Variants in IL18RAP observed in about 807,000 individuals in gnomAD.
The protein encoded by IL18RAP is interleukin-18 receptor accessory protein.
IL18RAP carries 37 observed loss-of-function variants against 58.1 expected under a neutral mutation model. The observed-to-expected ratio is 0.64, with a 90% CI of 0.49 to 0.84. The LOEUF (loss-of-function observed/expected upper bound fraction) is 0.84, where lower values mean the gene tolerates loss of function less well. IL18RAP is among the 40% of genes least tolerant of loss of function. The pLI, the probability that IL18RAP is intolerant of heterozygous loss-of-function variation, is 0.00. For synonymous variants in IL18RAP, 268 were observed against 257.5 expected (o/e 1.04, Z -0.39); for missense variants, 667 against 704.8 (o/e 0.95, Z 0.61).
rs572589834 is a variant in IL18RAP at position 102,452,284 on chromosome 2, AAG to A, written c.*106_*107del. 17 of 1,149,044 alleles carry A rather than the reference AAG, an allele frequency of 1.5e-5. No individual in the cohort carries two copies. The highest frequency in any genetic ancestry group is 2.0e-5 in the Non-Finnish European group (16 of 810,534). The allele number at this position is 1,149,044 out of a possible 1,614,324, so 71.2% of individuals were successfully genotyped here. ...TGTGTTCAGGCTGATAGGAAATTCA[AAG>A]AGTCTCCTGCCAGCACCAAGCAAGC... On this transcript the variant is annotated 3_prime_UTR_variant, in exon 10 of 10. Transcript: ENST00000687160.
chr2:102,423,225 A>C lies in IL18RAP; in HGVS notation c.-53A>C, dbSNP rs757741811. 51 of 1,531,138 alleles carry C rather than the reference A, an allele frequency of 3.3e-5. No homozygotes were observed. Among genetic ancestry groups the C allele is most frequent in the Non-Finnish European group, 4.2e-5 (46 of 1,104,796 alleles). The allele number at this position is 1,531,138 out of a possible 1,614,324, so 94.8% of individuals were successfully genotyped here. Reference sequence around the variant, plus strand: ...AGAGTTCTGAATCTCAAAACACTCTACTCTGGCAAAGGAATGAAGTTATTG... The same window carrying C: ...AGAGTTCTGAATCTCAAAACACTCTCCTCTGGCAAAGGAATGAAGTTATTG... On this transcript the variant is annotated 5_prime_UTR_variant, in exon 1 of 10. Transcript: ENST00000687160.
Position 102,424,422 on chromosome 2 carries a change from T to A in IL18RAP, c.579+8T>A, listed in dbSNP as rs1470604635. ...GCGGTAACCTGGTACAAGGTAAGAG[T>A]GAATTCTCTAAAATTAATATAAGAG... is the stretch of plus-strand genomic sequence containing the variant. On this transcript the variant is annotated splice_region_variant and intron_variant, in intron 3 of 9. Transcript: ENST00000687160. The A allele has an allele frequency of 6.2e-7, 1 of 1,607,278 alleles. No homozygotes were observed. Among genetic ancestry groups the A allele is most frequent in the Admixed American group, 1.7e-5 (1 of 58,798 alleles).
Position 102,423,354 on chromosome 2 carries a change from GT to G in IL18RAP, c.70+11del, listed in dbSNP as rs1558632952. On this transcript the variant is annotated splice_region_variant and intron_variant, in intron 1 of 9. Transcript: ENST00000687160. ...AAAGGATTTAATATTTCAGGTAGGG[GT>G]TTTCACTTTTCATGTTAGCACTGTG... is the stretch of plus-strand genomic sequence containing the variant. 4 of 1,612,654 alleles carry G rather than the reference GT, an allele frequency of 2.5e-6. No homozygotes were observed. The East Asian group carries it at 6.7e-5, about 27-fold the overall frequency.
At chr2:102,438,713 A>T (rs1463935730) in intron 4 of IL18RAP, 1 of 152,180 alleles carries the variant, frequency 6.6e-6, no homozygotes, top group Non-Finnish European at 1.5e-5. Flanking sequence ...TTAATCATTC[A>T]TTCTCATATT....
upstream of IL18RAP, among the ~76,000 whole-genome samples, chr2:102,422,374 G>T (rs778282941): frequency 6.6e-5 from 10 of 152,142 alleles, no homozygotes; most frequent in African/African-American, 1.7e-4. Context: ...AAAGGTTGAG[G>T]TTCCTCAGGG....
intron 6 of IL18RAP, among the ~76,000 whole-genome samples, chr2:102,443,809 C>T (rs1399070654): frequency 3.3e-5 from 5 of 152,192 alleles, no homozygotes; most frequent in African/African-American, 9.7e-5. Flanking sequence ...GAAAAAGAGG[C>T]TCAGAGGAGG....
At chr2:102,422,127 T>A (rs3755267), upstream of IL18RAP, among the ~76,000 whole-genome samples, 11 of 151,986 alleles carry the variant, frequency 7.2e-5, no homozygotes, top group African/African-American at 1.9e-4. Context: ...ACCCTGAAGC[T>A]CTCCGTTATC....
chr2:102,445,363 GA>G, intron 7 of IL18RAP, 23 bp downstream of exon 7: 1 of 1,610,850 alleles, frequency 6.2e-7, no homozygotes, highest in Non-Finnish European at 8.5e-7. Flanking sequence ...GGTTGCCCAG[GA>G]GGCATGAAAC....
chr2:102,428,464 C>G (rs1682116645), intron 3 of IL18RAP, among the ~76,000 whole-genome samples: 1 of 150,404 alleles, frequency 6.6e-6, no homozygotes, highest in Admixed American at 6.6e-5. Context: ...ATGTTAGTTC[C>G]TATGGTAAGT....
At chr2:102,419,064 G>A (rs1353317786), upstream of IL18RAP, 3 of 151,980 alleles carry the variant, frequency 2.0e-5, no homozygotes, top group Non-Finnish European at 4.4e-5. Context: ...AAATATTTTA[G>A]AATAACAAAA....
chr2:102,426,781 G>T (rs1681974295), intron 3 of IL18RAP, among the ~76,000 whole-genome samples: 1 of 152,052 alleles, frequency 6.6e-6, no homozygotes, highest in African/African-American at 2.4e-5. Flanking sequence ...TACTCTCTTA[G>T]TTATTTTGAA....
chr2:102,419,283 T>C (rs763962058), upstream of IL18RAP, among the ~76,000 whole-genome samples: 1 of 152,234 alleles, frequency 6.6e-6, no homozygotes, highest in Non-Finnish European at 1.5e-5. Context: ...AGCTTCATTT[T>C]CTGTTATCCC....
At chr2:102,435,049 G>C (rs1460654931) in intron 3 of IL18RAP, 2 of 152,132 alleles carry the variant, frequency 1.3e-5, no homozygotes, top group Non-Finnish European at 2.9e-5. Context: ...GTTGTTAGTT[G>C]ATAACTGGGG....
At chr2:102,420,264 G>T (rs1681489622), upstream of IL18RAP, among the ~76,000 whole-genome samples, 1 of 152,180 alleles carries the variant, frequency 6.6e-6, no homozygotes, top group Admixed American at 6.5e-5. Flanking sequence ...TTTCCCAAAA[G>T]TGTCTCCCAG....
At chr2:102,446,903 T>C (rs1443705546) in intron 7 of IL18RAP, among the ~76,000 whole-genome samples, 167 bp from the exon 8 acceptor site, 1 of 152,024 alleles carries the variant, frequency 6.6e-6, no homozygotes, top group African/African-American at 2.4e-5. Context: ...TTCCATGGTG[T>C]GATTTGAGAG....
upstream of IL18RAP, among the ~76,000 whole-genome samples, chr2:102,420,559 G>A (rs1396165794): frequency 3.3e-5 from 5 of 152,204 alleles, no homozygotes; most frequent in Non-Finnish European, 7.3e-5. Context: ...GAGTGCTGGA[G>A]ACTGCTGGGC....
chr2:102,441,525 A>G, intron 5 of IL18RAP, 148 bp downstream of exon 5: 1 of 622,956 alleles, frequency 1.6e-6, no homozygotes, highest in Non-Finnish European at 2.9e-6. Context: ...GTGACTTTGC[A>G]CAGTTACTTC....
At chr2:102,443,931 A>T (rs1683262785) in intron 6 of IL18RAP, among the ~76,000 whole-genome samples, 1 of 152,176 alleles carries the variant, frequency 6.6e-6, no homozygotes, top group African/African-American at 2.4e-5. Flanking sequence ...TACTGGTGAG[A>T]TATTTTGGCC....
At position 102,437,308 on chromosome 2, in the gene IL18RAP, T is replaced by G. The variant is rs147704762; in HGVS notation, c.676T>G (p.Ser226Ala). The change falls in exon 4 of 10, where the codon TCG becomes GCG. Residue 226 changes from serine to alanine, a missense_variant. Transcript: ENST00000687160. Reference sequence around the variant, plus strand: ...CACATATGTATGTGATTACACTCAGTCGGATACTGTGAGTTCGTGGACAGT... The same window carrying G: ...CACATATGTATGTGATTACACTCAGGCGGATACTGTGAGTTCGTGGACAGT... Reference protein sequence around the residue: ...QGTYVCDYTQSDTVSSWTVRA... With the variant: ...QGTYVCDYTQADTVSSWTVRA... The G allele has an allele frequency of 6.8e-6, 11 of 1,613,808 alleles. No homozygotes were observed. Among genetic ancestry groups the G allele is most frequent in the Non-Finnish European group, 9.3e-6 (11 of 1,179,808 alleles).
Sources: gnomAD v4.1 joint callset for allele counts (sites outside exome capture counted in the v4.1 genomes callset) on GRCh38, gnomAD v4.1.1 for gene constraint, MANE v1.5 for transcripts, NCBI Gene and HGNC (gene_info 2026-07-23, HGNC 2026-07-21) for gene names.